DNM1L: variants seen among roughly 807,000 people sequenced by gnomAD.
The protein encoded by DNM1L is dynamin 1L.
Under a neutral mutation model 92.8 loss-of-function variants are expected in DNM1L, and 33 were observed. That is an observed-to-expected ratio of 0.36 (90% CI 0.27 to 0.48). The LOEUF (loss-of-function observed/expected upper bound fraction) is 0.48. Among genes scored for constraint, DNM1L ranks in the 20% least tolerant of loss-of-function variants. The pLI is 0.99. For synonymous variants in DNM1L, 284 were observed against 305.0 expected (o/e 0.93, Z 0.72); for missense variants, 485 against 888.8 (o/e 0.55, Z 5.78).
intron 9 of DNM1L, chr12:32,726,267 A>T: frequency 2.3e-6 from 2 of 884,680 alleles, no homozygotes; most frequent in Non-Finnish European, 3.6e-6. Context: ...CCTGTCCTTT[A>T]AAACAAAAAT....
In DNM1L at chr12:32,731,469, A is replaced by G. The variant is rs1954548922; in HGVS notation, c.1314A>G (p.Glu438=). Residue 438 remains glutamate (E), a synonymous_variant, in exon 11 of 20, where the codon GAA becomes GAG. Coordinates refer to ENST00000549701, the MANE Select transcript of DNM1L (RefSeq NM_012062.5). The surrounding 1 kb of genome is among the most constrained non-coding windows in gnomAD (Gnocchi z 5.1). ...GCTGTGTGGAACTGGTTCATGAGGA[A>G]ATGCAAAGGATCATTCAGCACTGTA... The part of the protein sequence containing the change: ...SLRCVELVHE[E]MQRIIQHCSN... The G allele has an allele frequency of 6.2e-7, 1 of 1,614,034 alleles. No individual in the cohort carries two copies. The highest frequency in any genetic ancestry group is 1.1e-5 in the South Asian group (1 of 91,092).
chr12:32,740,351 T>TA, intron 17 of DNM1L, 58 bp from the exon 18 acceptor site: 1 of 1,609,050 alleles, frequency 6.2e-7, no homozygotes, highest in Non-Finnish European at 8.5e-7. Context: ...TTTCAGATGT[T>TA]AAAGCTGCCA....
At chr12:32,681,409 G>A (rs918033352) in intron 1 of DNM1L, among the ~76,000 whole-genome samples, 2 of 152,026 alleles carry the variant, frequency 1.3e-5, no homozygotes, top group Non-Finnish European at 2.9e-5. Flanking sequence ...AAATTAGCTG[G>A]GCATGGTGGT....
At chr12:32,694,964 C>T (rs751665705) in intron 1 of DNM1L, among the ~76,000 whole-genome samples, 1 of 152,102 alleles carries the variant, frequency 6.6e-6, no homozygotes, top group Admixed American at 6.6e-5. Flanking sequence ...GTTGTAAAGT[C>T]TGAAGGGACT....
chr12:32,736,810 G>A lies in DNM1L; in HGVS notation c.1540-295G>A, dbSNP rs570608245. On this transcript the variant is annotated intron_variant, in intron 13 of 19. Coordinates refer to ENST00000549701, the MANE Select transcript of DNM1L (RefSeq NM_012062.5). ...ACATCACTGTTTCTTAGTGGGAAAG[G>A]GGGAGAAGATGGCAGTCTGTTGCCC... is the stretch of plus-strand genomic sequence containing the variant. The A allele has an allele frequency of 2.9e-5, 11 of 385,330 alleles. No homozygotes were observed. The East Asian group carries it at 5.2e-4, about 18-fold the overall frequency. 23.9% of individuals were successfully genotyped at this position (385,330 alleles called of 1,614,324 possible).
chr12:32,680,194 C>T (rs969621785), intron 1 of DNM1L, among the ~76,000 whole-genome samples: 9 of 152,016 alleles, frequency 5.9e-5, no homozygotes, highest in African/African-American at 2.2e-4. Context: ...TTTCTCTGGT[C>T]TTCTCATAGC....
intron 2 of DNM1L, among the ~76,000 whole-genome samples, chr12:32,702,213 G>A (rs1371729875): frequency 1.6e-5 from 2 of 128,754 alleles, no homozygotes; most frequent in Admixed American, 9.3e-5. Flanking sequence ...CAGCCTAGGC[G>A]ACAGAGTGAG....
At position 32,742,573 on chromosome 12, in the gene DNM1L, T is replaced by C. The variant is rs752378500; in HGVS notation, c.1995-16T>C. On this transcript the variant is annotated splice_polypyrimidine_tract_variant and intron_variant, in intron 18 of 19. Coordinates refer to ENST00000549701, the MANE Select transcript of DNM1L (RefSeq NM_012062.5). ...GAATTTTGGCTAAAATTCCATAATTTGGTTGTGTTTTGCAGTGTGCCAAAG... is the reference window on the plus strand; with the variant it reads ...GAATTTTGGCTAAAATTCCATAATTCGGTTGTGTTTTGCAGTGTGCCAAAG... The C allele has an allele frequency of 7.4e-6, 12 of 1,613,808 alleles. No individual in the cohort carries two copies. Among genetic ancestry groups the C allele is most frequent in the Non-Finnish European group, 1.0e-5 (12 of 1,179,928 alleles).
chr12:32,730,936 G>A, intron 9 of DNM1L, 78 bp from the exon 10 acceptor site: 1 of 1,595,828 alleles, frequency 6.3e-7, no homozygotes, highest in Non-Finnish European at 8.6e-7. Context: ...TGAGCTTAAA[G>A]CTTCTAGAAA....
At chr12:32,729,087 A>C (rs1016925657) in intron 9 of DNM1L, 1 of 145,756 alleles carries the variant, frequency 6.9e-6, no homozygotes, top group African/African-American at 2.6e-5. Context: ...CACTGTGCCC[A>C]GTCCCCCTTT....
intron 14 of DNM1L, chr12:32,737,419 A>G (rs953485570): frequency 4.3e-6 from 2 of 464,682 alleles, no homozygotes; most frequent in African/African-American, 3.9e-5. Context: ...GCTTTTTAAA[A>G]AAATTCAGTC....
chr12:32,740,654 G>A (rs1489945178), intron 18 of DNM1L, 136 bp downstream of exon 18: 10 of 784,140 alleles, frequency 1.3e-5, no homozygotes, highest in Non-Finnish European at 2.0e-5. Context: ...ATAGTCCTTG[G>A]GTAACTTGTA....
chr12:32,682,398 C>T (rs1046898333), intron 1 of DNM1L, among the ~76,000 whole-genome samples: 2 of 152,152 alleles, frequency 1.3e-5, no homozygotes, highest in African/African-American at 4.8e-5. Context: ...TCCCAAAGTG[C>T]TGGGATTACA....
At position 32,701,518 on chromosome 12, in the gene DNM1L, A is replaced by C; in HGVS notation, c.206A>C (p.His69Pro). The C allele has an allele frequency of 3.1e-6, 5 of 1,614,072 alleles. No individual in the cohort carries two copies. Among genetic ancestry groups the C allele is most frequent in the Non-Finnish European group, 4.2e-6 (5 of 1,179,956 alleles). Residue 69 changes from histidine to proline, a missense_variant, in exon 2 of 20, where the codon CAT becomes CCT. By Grantham distance (77) the His-to-Pro change is moderately conservative. This residue lies in a region of DNM1L where 159 missense variants were observed against 275.9 expected (regional missense o/e 0.58). Coordinates refer to ENST00000549701, the MANE Select transcript of DNM1L (RefSeq NM_012062.5). ...TRRPLILQLV[H>P]VSQEDKRKTT... Reference sequence around the variant, plus strand: ...AGACCTCTCATTCTGCAACTGGTCCATGTTTCACAAGAAGATAAACGGAAA... The same window carrying C: ...AGACCTCTCATTCTGCAACTGGTCCCTGTTTCACAAGAAGATAAACGGAAA...
chr12:32,680,793 A>G (rs935327151), intron 1 of DNM1L, among the ~76,000 whole-genome samples: 1 of 152,304 alleles, frequency 6.6e-6, no homozygotes, highest in South Asian at 2.1e-4. Flanking sequence ...TCTAACCACA[A>G]TGTTTTAAAA....
intron 6 of DNM1L, 90 bp from the exon 7 acceptor site, chr12:32,718,553 G>C: frequency 6.5e-7 from 1 of 1,539,742 alleles, no homozygotes; most frequent in Non-Finnish European, 8.9e-7. Context: ...GATTGTAGAT[G>C]AGGGTTTTCC....
In DNM1L at chr12:32,724,593, A is replaced by AAT. The variant is rs869170631; in HGVS notation, c.1079+1986_1079+1987dup. 6.5e-3 allele frequency among the ~76,000 whole-genome samples: 436 copies of AAT among 66,578 alleles called. 2 individuals are homozygous for AAT. Among genetic ancestry groups the AAT allele is most frequent in the South Asian group, 0.012 (24 of 2,056 alleles). The allele number at this position is 66,578 out of a possible 152,430, so 43.7% of individuals were successfully genotyped here. A position where few individuals can be genotyped will look rare whatever the true frequency, so the allele number is the denominator to read the frequency against. ...TCTATCTCCAAAAAAAAAAAAAAAA[A>AAT]ATATATATATATATATATATATATA... On this transcript the variant is annotated intron_variant, in intron 9 of 19. Transcript: ENST00000549701.
At chr12:32,706,590 C>A (rs1952936674) in intron 2 of DNM1L, 1 of 427,072 alleles carries the variant, frequency 2.3e-6, no homozygotes, top group Non-Finnish European at 4.7e-6. Context: ...AGGAACAGAC[C>A]TATGACTGGA....
intron 1 of DNM1L, among the ~76,000 whole-genome samples, chr12:32,700,157 A>G (rs527810751): frequency 6.6e-5 from 10 of 152,012 alleles, no homozygotes; most frequent in African/African-American, 9.7e-5. Context: ...GTCTTGCTCT[A>G]TGCCCAGGCT....
Sources: allele counts gnomAD v4.1 joint callset (sites outside exome capture counted in the v4.1 genomes callset), GRCh38; gene constraint gnomAD v4.1.1; regional missense constraint gnomAD v4.1.1; non-coding constraint Gnocchi (gnomAD v3.1); transcripts MANE v1.5; gene names NCBI Gene and HGNC (gene_info 2026-07-23, HGNC 2026-07-21).